The following COL19A1 variants were observed in gnomAD, a reference collection of about 807,000 sequenced individuals.
The protein encoded by COL19A1 is collagen alpha-1(XIX) chain.
COL19A1 carries 159 observed loss-of-function variants against 190.2 expected under a neutral mutation model. That is an observed-to-expected ratio of 0.84 (90% CI 0.73 to 0.95). The LOEUF (loss-of-function observed/expected upper bound fraction) is 0.95. COL19A1 is among the 40% of genes least tolerant of loss of function. The probability of loss-of-function intolerance (pLI) is 0.00; values close to 1 mark genes in which losing one functional copy is unlikely to be tolerated. For synonymous variants in COL19A1, 509 were observed against 458.9 expected, an observed-to-expected ratio of 1.11 and a Z score of -1.39; for missense variants, 1,418 against 1,431.9, an observed-to-expected ratio of 0.99 and a Z score of 0.16.
chr6:70,131,433 C>T (rs3806037), intron 18 of COL19A1, among the ~76,000 whole-genome samples: 70,335 of 151,964 alleles, frequency 0.46, 16,732 homozygotes, highest in African/African-American at 0.56. Flanking sequence ...GAGCTTCTTA[C>T]AGATTGATGA....
intron 2 of COL19A1, among the ~76,000 whole-genome samples, chr6:69,891,586 T>A (rs1769356573): frequency 6.6e-6 from 1 of 152,176 alleles, no homozygotes; most frequent in Non-Finnish European, 1.5e-5. Flanking sequence ...CCTCTTTCCC[T>A]CTTCCATCCT....
chr6:70,075,778 A>G (rs1781847923), intron 15 of COL19A1, among the ~76,000 whole-genome samples: 1 of 150,752 alleles, frequency 6.6e-6, no homozygotes, highest in Non-Finnish European at 1.5e-5. Flanking sequence ...GCTGTCAATG[A>G]GAAAAAAAAA....
At chr6:70,155,751 G>T (rs1222932792) in intron 31 of COL19A1, among the ~76,000 whole-genome samples, 1 of 152,024 alleles carries the variant, frequency 6.6e-6, no homozygotes, top group Non-Finnish European at 1.5e-5. Flanking sequence ...CTGTAATCTT[G>T]CTGGGTTTTC....
intron 11 of COL19A1, among the ~76,000 whole-genome samples, chr6:69,989,035 A>T (rs1776459867): frequency 6.6e-6 from 1 of 151,988 alleles, no homozygotes; most frequent in Non-Finnish European, 1.5e-5. Flanking sequence ...TTCCTGTCAC[A>T]TCTCATTTCT....
chr6:70,095,075 C>T (rs1464573093), intron 15 of COL19A1, among the ~76,000 whole-genome samples: 1 of 152,136 alleles, frequency 6.6e-6, no homozygotes, highest in Non-Finnish European at 1.5e-5. Flanking sequence ...AGTCACTTTC[C>T]ACTCTCACAT....
chr6:69,879,768 G>A, intron 2 of COL19A1, 110 bp downstream of exon 2: 1 of 910,672 alleles, frequency 1.1e-6, no homozygotes, highest in Non-Finnish European at 1.7e-6. Flanking sequence ...TACTATAACA[G>A]AATAAATTAC....
chr6:69,962,089 A>C (rs902256539), intron 10 of COL19A1, among the ~76,000 whole-genome samples: 1 of 152,118 alleles, frequency 6.6e-6, no homozygotes. Context: ...CTTGCTAGCT[A>C]TGTTGTCATG....
chr6:70,052,957 A>T (rs1362902617), intron 14 of COL19A1, among the ~76,000 whole-genome samples: 1 of 152,192 alleles, frequency 6.6e-6, no homozygotes, highest in African/African-American at 2.4e-5. Flanking sequence ...AAATAAGATC[A>T]TATATTAAAG....
chr6:69,960,741 C>T (rs1774738706), intron 10 of COL19A1, among the ~76,000 whole-genome samples: 1 of 151,806 alleles, frequency 6.6e-6, no homozygotes, highest in South Asian at 2.1e-4. Flanking sequence ...ATTCTCCTGC[C>T]TCAGCCTCCC....
At chr6:70,054,691 A>G (rs575101630) in intron 14 of COL19A1, among the ~76,000 whole-genome samples, 1 of 152,346 alleles carries the variant, frequency 6.6e-6, no homozygotes, top group Admixed American at 6.5e-5. Context: ...ATAATAAAAA[A>G]TACCATTTCA....
intron 34 of COL19A1, among the ~76,000 whole-genome samples, chr6:70,158,422 T>A (rs1253393910): frequency 6.6e-6 from 1 of 152,130 alleles, no homozygotes; most frequent in Non-Finnish European, 1.5e-5. Flanking sequence ...GTGGAAAAGA[T>A]ACAGAGGGAC....
intron 16 of COL19A1, among the ~76,000 whole-genome samples, chr6:70,105,350 G>T (rs562105716): frequency 1.3e-5 from 2 of 152,024 alleles, no homozygotes; most frequent in Admixed American, 6.6e-5. Flanking sequence ...TAGAGACAGG[G>T]TTTTACCATG....
chr6:70,036,201 G>C (rs1779344122), intron 14 of COL19A1, among the ~76,000 whole-genome samples: 1 of 152,118 alleles, frequency 6.6e-6, no homozygotes. Flanking sequence ...TCCTCCATAT[G>C]GCTCATAATT....
intron 9 of COL19A1, 42 bp downstream of exon 9, chr6:69,938,142 T>C (rs768822350): frequency 1.0e-5 from 16 of 1,576,058 alleles, no homozygotes; most frequent in Non-Finnish European, 1.3e-5. Flanking sequence ...CAGGGTTTTG[T>C]TAAAAAATGA....
intron 4 of COL19A1, among the ~76,000 whole-genome samples, chr6:69,902,962 G>C (rs531009353): frequency 6.6e-6 from 1 of 152,078 alleles, no homozygotes; most frequent in Non-Finnish European, 1.5e-5. Flanking sequence ...GTTCATCCCC[G>C]TACCTGGCTG....
chr6:70,166,861 A>C (rs1217616439), intron 37 of COL19A1, among the ~76,000 whole-genome samples: 2 of 152,236 alleles, frequency 1.3e-5, no homozygotes, highest in Non-Finnish European at 2.9e-5. Context: ...TTCAAATCCT[A>C]AAATTCACTC....
At chr6:69,923,829 T>G (rs139777971) in intron 4 of COL19A1, among the ~76,000 whole-genome samples, 1 of 152,242 alleles carries the variant, frequency 6.6e-6, no homozygotes, top group East Asian at 1.9e-4. Flanking sequence ...GCCTGAACAT[T>G]TAAGGTATTT....
chr6:69,961,881 C>T (rs990618993), intron 10 of COL19A1, among the ~76,000 whole-genome samples: 6 of 152,046 alleles, frequency 3.9e-5, no homozygotes, highest in Non-Finnish European at 8.8e-5. Flanking sequence ...TAGTTAAAAG[C>T]TGGCATTCCC....
At chr6:70,182,407 A>T (rs9354908) in intron 44 of COL19A1, among the ~76,000 whole-genome samples, 64,199 of 151,994 alleles carry the variant, frequency 0.42, 13,756 homozygotes, top group South Asian at 0.49. Flanking sequence ...CATGTTCATG[A>T]TGGAGCACTA....
Sources: allele counts gnomAD v4.1 joint callset (sites outside exome capture counted in the v4.1 genomes callset), GRCh38; gene constraint gnomAD v4.1.1; transcripts MANE v1.5; gene names NCBI Gene and HGNC (gene_info 2026-07-23, HGNC 2026-07-21).